Variants in ASIC2 observed in about 807,000 individuals in gnomAD.
ASIC2 encodes the protein acid sensing ion channel subunit 2.
ASIC2 carries 25 observed loss-of-function variants against 57.3 expected under a neutral mutation model. The ratio of observed to expected loss-of-function variants is 0.44; its 90% CI spans 0.32 to 0.61. The LOEUF (loss-of-function observed/expected upper bound fraction) is 0.61. ASIC2 is among the 20% of genes least tolerant of loss of function. The pLI is 0.06. For synonymous variants in ASIC2, 319 were observed against 307.5 expected, an observed-to-expected ratio of 1.04 and a Z score of -0.39; for missense variants, 641 against 738.1, an observed-to-expected ratio of 0.87 and a Z score of 1.52.
At chr17:34,044,132 A>G (rs968442895) in intron 1 of ASIC2, among the ~76,000 whole-genome samples, 28 of 129,654 alleles carry the variant, frequency 2.2e-4, no homozygotes, top group South Asian at 1.8e-3. Context: ...ACACGCACGC[A>G]CACACACACA....
chr17:33,106,542 A>G (rs1214473145), intron 2 of ASIC2, among the ~76,000 whole-genome samples: 1 of 152,010 alleles, frequency 6.6e-6, no homozygotes, highest in Non-Finnish European at 1.5e-5. Context: ...CCCACCCTCA[A>G]TTCTCACCCT....
chr17:33,849,065 A>G lies in ASIC2; in HGVS notation c.555+306913T>C, dbSNP rs112696301. ...GAAAATTGGCCTAATTTTTACAACT[A>G]GTTTGTGCTAAAGTCCAAAGTAGAA... On this transcript the variant is annotated intron_variant, in intron 1 of 9. Transcript: ENST00000359872. Among the ~76,000 whole-genome samples, 942 of 152,328 alleles carry G rather than the reference A, an allele frequency of 6.2e-3. 9 individuals carry two copies. The highest frequency in any genetic ancestry group is 0.021 in the African/African-American group (878 of 41,582).
At chr17:33,579,322 G>C (rs1171706842) in intron 1 of ASIC2, among the ~76,000 whole-genome samples, 3 of 149,356 alleles carry the variant, frequency 2.0e-5, no homozygotes, top group East Asian at 2.0e-4. Context: ...GGGTGACTCA[G>C]ATGTTGGCTC....
intron 1 of ASIC2, among the ~76,000 whole-genome samples, chr17:33,204,556 C>T (rs1048291756): frequency 6.6e-6 from 1 of 152,202 alleles, no homozygotes; most frequent in Non-Finnish European, 1.5e-5. Context: ...ATCTCATGTG[C>T]TTCAGATAAA....
intron 1 of ASIC2, among the ~76,000 whole-genome samples, chr17:33,423,838 C>T (rs980013331): frequency 1.3e-5 from 2 of 152,230 alleles, no homozygotes; most frequent in African/African-American, 2.4e-5. Context: ...GAAAACCAGG[C>T]AGGGCAGGGG....
At chr17:34,116,379 TCA>T (rs1166283567) in intron 1 of ASIC2, among the ~76,000 whole-genome samples, 1 of 152,148 alleles carries the variant, frequency 6.6e-6, no homozygotes, top group Non-Finnish European at 1.5e-5. Context: ...GGAATTTACT[TCA>T]GTGTCAGTTT....
At chr17:33,572,636 A>C (rs571694147) in intron 1 of ASIC2, among the ~76,000 whole-genome samples, 1 of 152,344 alleles carries the variant, frequency 6.6e-6, no homozygotes, top group African/African-American at 2.4e-5. Flanking sequence ...GATAGAACTC[A>C]GTGCCTCTTT....
chr17:34,078,585 A>G (rs978852511), intron 1 of ASIC2, among the ~76,000 whole-genome samples: 2 of 152,140 alleles, frequency 1.3e-5, no homozygotes, highest in Non-Finnish European at 2.9e-5. Context: ...GAGACAATCT[A>G]GAAGCAGCAA....
At chr17:33,163,098 G>T (rs1427587161) in intron 1 of ASIC2, among the ~76,000 whole-genome samples, 1 of 152,160 alleles carries the variant, frequency 6.6e-6, no homozygotes, top group Non-Finnish European at 1.5e-5. Flanking sequence ...GGGAGTAGGG[G>T]GTGGTCTGAG....
chr17:33,921,401 T>C (rs980540990), intron 1 of ASIC2, among the ~76,000 whole-genome samples: 5 of 152,194 alleles, frequency 3.3e-5, no homozygotes, highest in Non-Finnish European at 5.9e-5. Context: ...AATCATTGTT[T>C]TTAGTAGTAT....
intron 1 of ASIC2, among the ~76,000 whole-genome samples, chr17:33,777,245 T>A (rs1389936743): frequency 6.6e-6 from 1 of 152,030 alleles, no homozygotes; most frequent in Non-Finnish European, 1.5e-5. Flanking sequence ...TTTGCCTGCA[T>A]CCTATCTGCC....
chr17:33,797,545 A>G (rs541414318), intron 1 of ASIC2, among the ~76,000 whole-genome samples: 1 of 152,310 alleles, frequency 6.6e-6, no homozygotes, highest in South Asian at 2.1e-4. Flanking sequence ...TTGTTGGTCC[A>G]TGATTGATCA....
At position 33,109,984 on chromosome 17, in the gene ASIC2, C is replaced by T. The variant is rs371806079; in HGVS notation, c.859+1933G>A. Among the ~76,000 whole-genome samples, 8 of 152,286 alleles carry T rather than the reference C, an allele frequency of 5.3e-5. No individual in the cohort carries two copies. The East Asian group carries it at 1.3e-3, about 26-fold the overall frequency. ...GTGCTCAGACCAAGGCCATATCCCA[C>T]AGGGAACTGTGCTGTGTGAGGATGT... is the stretch of plus-strand genomic sequence containing the variant. On this transcript the variant is annotated intron_variant, in intron 2 of 9. Transcript: ENST00000225823.
At chr17:33,301,299 C>T (rs1295969384) in intron 1 of ASIC2, among the ~76,000 whole-genome samples, 2 of 152,044 alleles carry the variant, frequency 1.3e-5, no homozygotes, top group African/African-American at 4.8e-5. Context: ...CCTCGATCTC[C>T]CAAAGTGCTA....
chr17:33,055,344 T>G (rs1224221885), intron 3 of ASIC2, among the ~76,000 whole-genome samples: 2 of 152,180 alleles, frequency 1.3e-5, no homozygotes, highest in Admixed American at 1.3e-4. Context: ...TTGCCACCTT[T>G]TCCTCTCCTG....
At chr17:34,028,371 G>A (rs146042926) in intron 1 of ASIC2, among the ~76,000 whole-genome samples, 40 of 152,300 alleles carry the variant, frequency 2.6e-4, no homozygotes, top group African/African-American at 9.1e-4. Context: ...TGGAGAGGCT[G>A]TGCTTTTAGA....
At chr17:33,066,471 A>C (rs987997963) in intron 3 of ASIC2, among the ~76,000 whole-genome samples, 5 of 152,176 alleles carry the variant, frequency 3.3e-5, no homozygotes, top group African/African-American at 1.2e-4. Context: ...AGGGTAAAGG[A>C]TGTCCTCATG....
At chr17:33,358,001 A>C (rs1198662005) in intron 1 of ASIC2, among the ~76,000 whole-genome samples, 2 of 152,148 alleles carry the variant, frequency 1.3e-5, no homozygotes, top group East Asian at 3.9e-4. Context: ...GTATTTTAAC[A>C]AGTATCCCAG....
chr17:33,740,445 A>C (rs1469246952), intron 1 of ASIC2, among the ~76,000 whole-genome samples: 1 of 152,336 alleles, frequency 6.6e-6, no homozygotes, highest in East Asian at 1.9e-4. Flanking sequence ...AAAGGGGAAA[A>C]GCCTCTTATA....
Sources: gnomAD v4.1 joint callset for allele counts (sites outside exome capture counted in the v4.1 genomes callset) on GRCh38, gnomAD v4.1.1 for gene constraint, MANE v1.5 for transcripts, NCBI Gene and HGNC (gene_info 2026-07-23, HGNC 2026-07-21) for gene names.